Variants in WWOX observed in about 807,000 individuals in gnomAD.
The protein encoded by WWOX is WW domain-containing oxidoreductase.
WWOX carries 69 observed loss-of-function variants against 46.2 expected under a neutral mutation model. The observed-to-expected ratio is 1.49, with a 90% CI of 1.23 to 1.82. WWOX has a LOEUF of 1.82. Ranked by LOEUF, WWOX falls within the 40% of genes most tolerant of loss-of-function variation. The pLI, the probability that WWOX is intolerant of heterozygous loss-of-function variation, is 0.00. For missense variants in WWOX, 919 were observed against 542.6 expected (o/e 1.69, Z -6.89); for synonymous variants, 359 against 202.6 (o/e 1.77, Z -6.56).
chr16:78,796,318 C>A (rs542947438), intron 8 of WWOX, among the ~76,000 whole-genome samples: 74 of 152,332 alleles, frequency 4.9e-4, no homozygotes, highest in African/African-American at 1.6e-3. Flanking sequence ...TCCAAATCCT[C>A]TGCTGGATCC....
intron 8 of WWOX, among the ~76,000 whole-genome samples, chr16:78,889,442 T>C (rs1276003737): frequency 6.7e-6 from 1 of 148,458 alleles, no homozygotes; most frequent in Non-Finnish European, 1.5e-5. Flanking sequence ...GCGAGCCGAC[T>C]TGATGTGTCT....
intron 8 of WWOX, among the ~76,000 whole-genome samples, chr16:78,948,756 G>A (rs73584245): frequency 0.22 from 33,554 of 151,946 alleles, 3,874 homozygotes; most frequent in South Asian, 0.38. Context: ...CTCCTATGGT[G>A]GTGTTACGTA....
intron 8 of WWOX, among the ~76,000 whole-genome samples, chr16:78,760,045 T>G (rs991248881): frequency 6.6e-6 from 1 of 152,164 alleles, no homozygotes; most frequent in Non-Finnish European, 1.5e-5. Context: ...GTGTTCACAC[T>G]AGTGATAAAG....
At chr16:78,946,906 G>A (rs1460931329) in intron 8 of WWOX, among the ~76,000 whole-genome samples, 3 of 152,178 alleles carry the variant, frequency 2.0e-5, no homozygotes, top group Non-Finnish European at 4.4e-5. Context: ...CTCAGAGTCA[G>A]TAGGATAGTT....
At chr16:78,754,466 T>G (rs1162622441) in intron 8 of WWOX, among the ~76,000 whole-genome samples, 2 of 152,232 alleles carry the variant, frequency 1.3e-5, no homozygotes, top group Admixed American at 6.5e-5. Flanking sequence ...CAATGTTCTC[T>G]TAGTACCTAC....
chr16:79,152,572 G>C (rs1044341935), intron 8 of WWOX, among the ~76,000 whole-genome samples: 5 of 151,960 alleles, frequency 3.3e-5, no homozygotes, highest in Non-Finnish European at 7.4e-5. Context: ...TCGGGAGGTT[G>C]AGGCAGGAGA....
At chr16:78,715,584 A>G (rs892585367) in intron 8 of WWOX, among the ~76,000 whole-genome samples, 5 of 152,016 alleles carry the variant, frequency 3.3e-5, no homozygotes, top group South Asian at 2.1e-4. Flanking sequence ...CTTGGGTTCA[A>G]GCGATTCTCC....
At chr16:78,356,071 TAAAAAAAA>T (rs61113878) in intron 5 of WWOX, among the ~76,000 whole-genome samples, 3,548 of 76,272 alleles carry the variant, frequency 0.047, 207 homozygotes, top group African/African-American at 0.15. Context: ...TTTTTTTTCC[TAAAAAAAA>T]AAAAAAAAAA....
At chr16:79,012,580 C>T (rs906673980) in intron 8 of WWOX, among the ~76,000 whole-genome samples, 3 of 152,110 alleles carry the variant, frequency 2.0e-5, no homozygotes, top group African/African-American at 7.2e-5. Context: ...ATTTGAAGAT[C>T]CACATATGGC....
intron 4 of WWOX, among the ~76,000 whole-genome samples, chr16:78,120,692 C>T (rs1466098406): frequency 6.6e-6 from 1 of 151,988 alleles, no homozygotes; most frequent in Non-Finnish European, 1.5e-5. Context: ...GGTCTTGTTT[C>T]TAAATCATGT....
chr16:78,940,247 G>A (rs1406471368), intron 8 of WWOX, among the ~76,000 whole-genome samples: 2 of 152,078 alleles, frequency 1.3e-5, no homozygotes, highest in Non-Finnish European at 2.9e-5. Flanking sequence ...AATAGAATAC[G>A]GAGTATATAT....
intron 8 of WWOX, among the ~76,000 whole-genome samples, chr16:78,943,748 G>C (rs1719737499): frequency 6.6e-6 from 1 of 152,138 alleles, no homozygotes; most frequent in Admixed American, 6.5e-5. Context: ...AGACCATTAA[G>C]CTTCCTGCAA....
At chr16:78,408,702 T>A (rs1285150301) in intron 6 of WWOX, among the ~76,000 whole-genome samples, 1 of 152,148 alleles carries the variant, frequency 6.6e-6, no homozygotes, top group Non-Finnish European at 1.5e-5. Context: ...TGCAAGAAGT[T>A]TTGAAGAGGG....
intron 8 of WWOX, among the ~76,000 whole-genome samples, chr16:78,624,767 C>A (rs77598119): frequency 0.026 from 3,919 of 152,230 alleles, 191 homozygotes; most frequent in African/African-American, 0.09. Context: ...TTATTTATTG[C>A]AGAACGACAC....
intron 8 of WWOX, among the ~76,000 whole-genome samples, chr16:78,618,824 G>C (rs1247307664): frequency 6.6e-6 from 1 of 151,868 alleles, no homozygotes; most frequent in Admixed American, 6.6e-5. Context: ...GAATTGGTCA[G>C]TGACCAATCA....
chr16:78,782,585 G>T (rs1207007102), intron 8 of WWOX, among the ~76,000 whole-genome samples: 1 of 151,754 alleles, frequency 6.6e-6, no homozygotes, highest in Non-Finnish European at 1.5e-5. Flanking sequence ...AGCCAAAGAG[G>T]ATTCCATCTT....
At chr16:79,154,400 C>T (rs1279614813) in intron 8 of WWOX, among the ~76,000 whole-genome samples, 1 of 151,800 alleles carries the variant, frequency 6.6e-6, no homozygotes, top group African/African-American at 2.4e-5. Context: ...TTCTTTCACT[C>T]TCATCCATTT....
At chr16:78,497,105 G>A (rs2084935819) in intron 8 of WWOX, among the ~76,000 whole-genome samples, 1 of 152,220 alleles carries the variant, frequency 6.6e-6, no homozygotes, top group Non-Finnish European at 1.5e-5. Context: ...TTTTGCTTTG[G>A]CATAAAACAA....
At chr16:78,210,322 G>A (rs938558618) in intron 5 of WWOX, among the ~76,000 whole-genome samples, 2 of 152,150 alleles carry the variant, frequency 1.3e-5, no homozygotes, top group Non-Finnish European at 2.9e-5. Flanking sequence ...TCAGGCAGTC[G>A]ATACCACTGA....
Sources: gnomAD v4.1 joint callset for allele counts (sites outside exome capture counted in the v4.1 genomes callset) on GRCh38, gnomAD v4.1.1 for gene constraint, MANE v1.5 for transcripts, NCBI Gene and HGNC (gene_info 2026-07-23, HGNC 2026-07-21) for gene names.